The following GABRG3 variants were observed in gnomAD, a reference collection of about 807,000 sequenced individuals.
GABRG3 encodes gamma-aminobutyric acid receptor subunit gamma-3.
GABRG3 carries 25 observed loss-of-function variants against 48.8 expected under a neutral mutation model. The ratio of observed to expected loss-of-function variants is 0.51; its 90% CI spans 0.37 to 0.72. The LOEUF (loss-of-function observed/expected upper bound fraction) is 0.72. GABRG3 is among the 30% of genes least tolerant of loss of function. The pLI, the probability that GABRG3 is intolerant of heterozygous loss-of-function variation, is 0.00. For missense variants in GABRG3, 394 were observed against 577.9 expected (o/e 0.68, Z 3.26); for synonymous variants, 227 against 217.6 (o/e 1.04, Z -0.38).
chr15:27,043,115 C>T (rs1896306217), intron 3 of GABRG3, among the ~76,000 whole-genome samples: 1 of 152,206 alleles, frequency 6.6e-6, no homozygotes, highest in Non-Finnish European at 1.5e-5. Context: ...CCCATCTTTC[C>T]AGCCCCATTC....
At chr15:27,228,609 G>C (rs551971619) in intron 3 of GABRG3, among the ~76,000 whole-genome samples, 1 of 152,126 alleles carries the variant, frequency 6.6e-6, no homozygotes, top group Admixed American at 6.5e-5. Context: ...TTGAATGGTC[G>C]TTCTGCTTTT....
At chr15:27,023,440 A>G (rs1422297506) in intron 2 of GABRG3, among the ~76,000 whole-genome samples, 8 of 128,954 alleles carry the variant, frequency 6.2e-5, no homozygotes, top group Admixed American at 7.5e-5. Flanking sequence ...TGCAGACCTA[A>G]AACTCTGTAC....
At chr15:27,368,750 A>G (rs28378890) in intron 5 of GABRG3, among the ~76,000 whole-genome samples, 41,444 of 152,064 alleles carry the variant, frequency 0.27, 6,029 homozygotes, top group African/African-American at 0.35. Context: ...AAGGACAAGT[A>G]GACATGCTTG....
intron 3 of GABRG3, among the ~76,000 whole-genome samples, chr15:27,307,799 A>G (rs1300837594): frequency 1.5e-5 from 2 of 132,126 alleles, no homozygotes; most frequent in African/African-American, 5.6e-5. Context: ...TATATATAAA[A>G]TAAACATAAA....
intron 3 of GABRG3, among the ~76,000 whole-genome samples, chr15:27,244,148 G>A (rs1890207517): frequency 6.6e-6 from 1 of 152,112 alleles, no homozygotes; most frequent in Non-Finnish European, 1.5e-5. Flanking sequence ...TCTTTTTTAA[G>A]CATCATGAGG....
intron 5 of GABRG3, among the ~76,000 whole-genome samples, chr15:27,374,149 T>C (rs1895510769): frequency 6.9e-6 from 1 of 144,942 alleles, no homozygotes; most frequent in South Asian, 2.2e-4. Flanking sequence ...TTTTTTTTTT[T>C]TTTTTTTTTT....
chr15:27,527,741 A>C, intron 8 of GABRG3, 112 bp downstream of exon 8: 1 of 1,128,318 alleles, frequency 8.9e-7, no homozygotes, highest in Non-Finnish European at 1.3e-6. Context: ...TGATACAAAT[A>C]CCCAGTTCAA....
At chr15:27,209,347 T>TTTCC (rs199748762) in intron 3 of GABRG3, among the ~76,000 whole-genome samples, 9,688 of 151,360 alleles carry the variant, frequency 0.064, 695 homozygotes, top group African/African-American at 0.18. Context: ...TCTTTCTTTC[T>TTTCC]TTCCTTCCTT....
At chr15:27,341,977 C>T (rs1469874911) in intron 5 of GABRG3, among the ~76,000 whole-genome samples, 1 of 152,196 alleles carries the variant, frequency 6.6e-6, no homozygotes, top group African/African-American at 2.4e-5. Flanking sequence ...GAGAATGTTG[C>T]CTGGCTTTCT....
chr15:27,242,125 G>A (rs1213300186), intron 3 of GABRG3, among the ~76,000 whole-genome samples: 2 of 152,172 alleles, frequency 1.3e-5, no homozygotes, highest in African/African-American at 4.8e-5. Context: ...TGCTGCACCA[G>A]CATTTCAAAC....
At chr15:27,162,547 C>T (rs1887230293) in intron 3 of GABRG3, among the ~76,000 whole-genome samples, 2 of 152,036 alleles carry the variant, frequency 1.3e-5, no homozygotes, top group African/African-American at 4.8e-5. Context: ...AGATCGGGTG[C>T]AGTACCTGGC....
intron 5 of GABRG3, among the ~76,000 whole-genome samples, chr15:27,419,297 C>T (rs1205734602): frequency 6.6e-6 from 1 of 152,150 alleles, no homozygotes; most frequent in Non-Finnish European, 1.5e-5. Context: ...CCACAGCTTT[C>T]ATGACCACCC....
chr15:27,508,723 G>C (rs1890821445), intron 6 of GABRG3, among the ~76,000 whole-genome samples: 1 of 151,574 alleles, frequency 6.6e-6, no homozygotes, highest in African/African-American at 2.4e-5. Context: ...TGCTGTTGTT[G>C]TTGTTGTTGA....
At chr15:27,282,501 A>G (rs1891468352) in intron 3 of GABRG3, among the ~76,000 whole-genome samples, 1 of 152,138 alleles carries the variant, frequency 6.6e-6, no homozygotes, top group Non-Finnish European at 1.5e-5. Flanking sequence ...TATTAAGCCC[A>G]TTTAGTAAGG....
chr15:27,395,410 G>A (rs1202283267), intron 5 of GABRG3, among the ~76,000 whole-genome samples: 1 of 152,132 alleles, frequency 6.6e-6, no homozygotes, highest in Non-Finnish European at 1.5e-5. Context: ...AGCAGGAAAG[G>A]CAGAGAGACT....
At chr15:27,129,081 G>A (rs1303094204) in intron 3 of GABRG3, among the ~76,000 whole-genome samples, 1 of 152,100 alleles carries the variant, frequency 6.6e-6, no homozygotes, top group Non-Finnish European at 1.5e-5. Context: ...AATATAAAAT[G>A]TATCATTTTG....
At chr15:27,512,219 CAAT>C (rs1890912364) in intron 6 of GABRG3, among the ~76,000 whole-genome samples, 2 of 151,994 alleles carry the variant, frequency 1.3e-5, no homozygotes, top group African/African-American at 4.8e-5. Flanking sequence ...TATTATATTG[CAAT>C]AATATTATAT....
At chr15:27,464,587 C>T (rs1470206705) in intron 5 of GABRG3, among the ~76,000 whole-genome samples, 4 of 152,150 alleles carry the variant, frequency 2.6e-5, no homozygotes, top group South Asian at 2.1e-4. Context: ...CCCACCAGCA[C>T]GGTATGAGGG....
chr15:27,404,726 G>A (rs1206502520), intron 5 of GABRG3, among the ~76,000 whole-genome samples: 2 of 152,168 alleles, frequency 1.3e-5, no homozygotes, highest in Non-Finnish European at 2.9e-5. Flanking sequence ...CATCCAGGGT[G>A]GCCACATGTA....
Sources: gnomAD v4.1 joint callset for allele counts (sites outside exome capture counted in the v4.1 genomes callset) on GRCh38, gnomAD v4.1.1 for gene constraint, MANE v1.5 for transcripts, NCBI Gene and HGNC (gene_info 2026-07-23, HGNC 2026-07-21) for gene names.